GRID2: variants seen among roughly 807,000 people sequenced by gnomAD.
The protein encoded by GRID2 is glutamate receptor ionotropic, delta-2.
A neutral mutation model predicts 114.8 loss-of-function variants in GRID2; 33 were observed. That is an observed-to-expected ratio of 0.29 (90% CI 0.22 to 0.38). The LOEUF is 0.38. GRID2 is among the 10% of genes least tolerant of loss of function. The pLI is 1.00. For synonymous variants in GRID2, 505 were observed against 449.9 expected (o/e 1.12, Z -1.55); for missense variants, 1,184 against 1,257.7 (o/e 0.94, Z 0.89).
chr4:92,356,539 A>G (rs551009037), intron 1 of GRID2, among the ~76,000 whole-genome samples: 1 of 151,810 alleles, frequency 6.6e-6, no homozygotes, highest in South Asian at 2.1e-4. Context: ...TATATGTATT[A>G]ACCATATTTA....
chr4:93,775,157 A>AT (rs931230086), downstream of GRID2, among the ~76,000 whole-genome samples: 24 of 152,010 alleles, frequency 1.6e-4, no homozygotes, highest in South Asian at 4.8e-3. Context: ...AAAAAAAAAA[A>AT]AAATAGTTCT....
In GRID2 at chr4:93,214,001, C is replaced by T. The variant is rs139800028; in HGVS notation, c.790-2737C>T. Among the ~76,000 whole-genome samples, 1,335 of 152,026 alleles carry T rather than the reference C, an allele frequency of 8.8e-3. 18 individuals carry two copies. The highest frequency in any genetic ancestry group is 0.031 in the African/African-American group (1,270 of 41,460). ...AGAAAAGTTAAGTCGCTAAAAAATA[C>T]TTAATCATTTGTTATTGCAATGTTA... On this transcript the variant is annotated intron_variant, in intron 5 of 15. Coordinates refer to ENST00000282020, the MANE Select transcript of GRID2 (RefSeq NM_001510.4).
intron 14 of GRID2, among the ~76,000 whole-genome samples, chr4:93,722,971 T>C (rs1249903580): frequency 6.6e-6 from 1 of 152,234 alleles, no homozygotes; most frequent in African/African-American, 2.4e-5. Context: ...CTCCAACTTC[T>C]CTGTGTTCTG....
At chr4:93,201,263 C>T (rs1283770536) in intron 4 of GRID2, among the ~76,000 whole-genome samples, 1 of 152,042 alleles carries the variant, frequency 6.6e-6, no homozygotes, top group African/African-American at 2.4e-5. Context: ...TTGCTTAGCC[C>T]AATATTTCTA....
chr4:92,695,278 T>C (rs1734373114), intron 2 of GRID2, among the ~76,000 whole-genome samples: 1 of 152,130 alleles, frequency 6.6e-6, no homozygotes, highest in South Asian at 2.1e-4. Flanking sequence ...ATATTTTAAA[T>C]TTTAAAATTT....
At chr4:93,068,236 A>G (rs1431509492) in intron 2 of GRID2, among the ~76,000 whole-genome samples, 2 of 152,042 alleles carry the variant, frequency 1.3e-5, no homozygotes, top group African/African-American at 4.8e-5. Flanking sequence ...TTTGCTGTTG[A>G]AAGGACTTTC....
chr4:92,897,893 T>C (rs1258910455), intron 2 of GRID2, among the ~76,000 whole-genome samples: 2 of 152,198 alleles, frequency 1.3e-5, no homozygotes, highest in African/African-American at 2.4e-5. Context: ...ACAACAGTTA[T>C]GAGCATAAGC....
intron 4 of GRID2, among the ~76,000 whole-genome samples, chr4:93,180,310 GA>G (rs530405127): frequency 6.6e-6 from 1 of 151,804 alleles, no homozygotes; most frequent in Non-Finnish European, 1.5e-5. Flanking sequence ...TGATGCCAAA[GA>G]AAAAAATGTA....
chr4:93,764,460 A>G (rs1034602729), intron 14 of GRID2, among the ~76,000 whole-genome samples: 2 of 152,186 alleles, frequency 1.3e-5, no homozygotes, highest in African/African-American at 4.8e-5. Flanking sequence ...AGAAAGAACA[A>G]TAGTGATACA....
chr4:93,074,498 A>T (rs1381227257), intron 2 of GRID2, among the ~76,000 whole-genome samples: 1 of 152,216 alleles, frequency 6.6e-6, no homozygotes, highest in African/African-American at 2.4e-5. Flanking sequence ...GGTAAACTAA[A>T]GCAGTACATA....
At chr4:92,988,225 G>A (rs1180292374) in intron 2 of GRID2, among the ~76,000 whole-genome samples, 1 of 152,134 alleles carries the variant, frequency 6.6e-6, no homozygotes, top group African/African-American at 2.4e-5. Flanking sequence ...AAGGGCTTCA[G>A]CCATCTCAAG....
At chr4:93,415,366 TAA>T (rs1291275968) in intron 9 of GRID2, among the ~76,000 whole-genome samples, 2 of 152,104 alleles carry the variant, frequency 1.3e-5, no homozygotes, top group Admixed American at 6.6e-5. Flanking sequence ...AAGATTCACT[TAA>T]GTGTCAAATT....
intron 6 of GRID2, among the ~76,000 whole-genome samples, chr4:93,224,325 G>C (rs1745234815): frequency 6.6e-6 from 1 of 152,034 alleles, no homozygotes. Context: ...GATTTTCTAA[G>C]GTCTAACACT....
intron 4 of GRID2, among the ~76,000 whole-genome samples, chr4:93,114,216 C>T (rs1733030979): frequency 6.6e-6 from 1 of 152,094 alleles, no homozygotes; most frequent in African/African-American, 2.4e-5. Context: ...CTACTCATTA[C>T]CAATAACCTA....
intron 13 of GRID2, among the ~76,000 whole-genome samples, chr4:93,525,669 A>G (rs1477076163): frequency 6.6e-6 from 1 of 152,178 alleles, no homozygotes; most frequent in East Asian, 1.9e-4. Context: ...TTTGGACACT[A>G]ATTTCAAACT....
At chr4:92,986,398 A>G (rs966006312) in intron 2 of GRID2, among the ~76,000 whole-genome samples, 1 of 152,194 alleles carries the variant, frequency 6.6e-6, no homozygotes. Flanking sequence ...TTGAGGGTCT[A>G]CTTTATACCT....
intron 11 of GRID2, among the ~76,000 whole-genome samples, chr4:93,489,979 A>G (rs1236545667): frequency 6.6e-6 from 1 of 151,928 alleles, no homozygotes; most frequent in African/African-American, 2.4e-5. Context: ...TGTAGATCAT[A>G]GTCAAAGTCA....
At chr4:93,457,729 G>T (rs1723339464) in intron 11 of GRID2, among the ~76,000 whole-genome samples, 1 of 151,792 alleles carries the variant, frequency 6.6e-6, no homozygotes, top group African/African-American at 2.4e-5. Context: ...CAGTACTGAA[G>T]AAAAAAGGAG....
intron 2 of GRID2, among the ~76,000 whole-genome samples, chr4:92,871,469 G>A (rs1210204971): frequency 1.3e-5 from 2 of 152,028 alleles, no homozygotes; most frequent in Admixed American, 6.6e-5. Context: ...ATACAGTTGA[G>A]TTAATTGATT....
Sources: gnomAD v4.1 joint callset for allele counts (sites outside exome capture counted in the v4.1 genomes callset) on GRCh38, gnomAD v4.1.1 for gene constraint, MANE v1.5 for transcripts, NCBI Gene and HGNC (gene_info 2026-07-23, HGNC 2026-07-21) for gene names.